The following RGS7 variants were observed in gnomAD, a reference collection of about 807,000 sequenced individuals.
The protein encoded by RGS7 is regulator of G-protein signaling 7.
A neutral mutation model predicts 81.1 loss-of-function variants in RGS7; 27 were observed. The ratio of observed to expected loss-of-function variants is 0.33; its 90% CI spans 0.25 to 0.46. RGS7 has a LOEUF of 0.46. Among genes scored for constraint, RGS7 ranks in the 20% least tolerant of loss-of-function variants. The pLI, the probability that RGS7 is intolerant of heterozygous loss-of-function variation, is 1.00. For synonymous variants in RGS7, 208 were observed against 207.7 expected, an observed-to-expected ratio of 1.00 and a Z score of -0.01; for missense variants, 396 against 607.4, an observed-to-expected ratio of 0.65 and a Z score of 3.66.
At chr1:241,198,786 G>A (rs2073271999) in intron 2 of RGS7, among the ~76,000 whole-genome samples, 1 of 152,076 alleles carries the variant, frequency 6.6e-6, no homozygotes, top group African/African-American at 2.4e-5. Context: ...CTTACGTTAA[G>A]TTCTTTCAGG....
chr1:241,129,695 GT>G (rs1284713611), intron 2 of RGS7, among the ~76,000 whole-genome samples: 1 of 152,122 alleles, frequency 6.6e-6, no homozygotes, highest in Non-Finnish European at 1.5e-5. Context: ...TACTTGGAGA[GT>G]TTATTAAACG....
At chr1:240,913,885 T>C (rs1299077078) in intron 6 of RGS7, among the ~76,000 whole-genome samples, 1 of 152,052 alleles carries the variant, frequency 6.6e-6, no homozygotes, top group East Asian at 1.9e-4. Context: ...ATTCTTCCTT[T>C]TGTTTTTTTT....
intron 2 of RGS7, among the ~76,000 whole-genome samples, chr1:241,174,758 CAGA>C (rs1323740336): frequency 6.6e-6 from 1 of 151,236 alleles, no homozygotes; most frequent in African/African-American, 2.5e-5. Context: ...CCTTTGTGAT[CAGA>C]AGGAGTATTT....
chr1:241,085,319 G>A (rs1023306813), intron 3 of RGS7, among the ~76,000 whole-genome samples: 1 of 152,164 alleles, frequency 6.6e-6, no homozygotes, highest in Non-Finnish European at 1.5e-5. Context: ...TGGATAGGCT[G>A]GGGGCAGTGG....
chr1:240,965,816 T>C (rs1270966724), intron 4 of RGS7, among the ~76,000 whole-genome samples: 1 of 152,196 alleles, frequency 6.6e-6, no homozygotes, highest in East Asian at 1.9e-4. Flanking sequence ...CCGTTTACAG[T>C]ACCACGTCAG....
At chr1:241,313,420 C>T (rs1410296470) in intron 2 of RGS7, among the ~76,000 whole-genome samples, 1 of 152,156 alleles carries the variant, frequency 6.6e-6, no homozygotes, top group African/African-American at 2.4e-5. Flanking sequence ...TGCCAATGCT[C>T]ATTGACCATT....
At chr1:241,111,878 T>C (rs1221188019) in intron 2 of RGS7, among the ~76,000 whole-genome samples, 1 of 152,176 alleles carries the variant, frequency 6.6e-6, no homozygotes, top group Non-Finnish European at 1.5e-5. Flanking sequence ...AATGTACCCA[T>C]TGTTGAAAAT....
intron 2 of RGS7, among the ~76,000 whole-genome samples, chr1:241,248,607 T>C (rs1444243401): frequency 6.6e-6 from 1 of 151,718 alleles, no homozygotes; most frequent in African/African-American, 2.4e-5. Flanking sequence ...TGAAGCAGTA[T>C]TTTTTTTAAA....
chr1:241,190,058 G>C (rs939842892), intron 2 of RGS7, among the ~76,000 whole-genome samples: 12 of 152,086 alleles, frequency 7.9e-5, no homozygotes, highest in South Asian at 4.2e-4. Flanking sequence ...AGCCGAGATG[G>C]CGCCACTGCA....
intron 2 of RGS7, among the ~76,000 whole-genome samples, chr1:241,171,300 GT>G (rs1247035548): frequency 6.6e-6 from 1 of 152,140 alleles, no homozygotes; most frequent in Non-Finnish European, 1.5e-5. Flanking sequence ...CATTTAAATA[GT>G]TGATAGTGGT....
At chr1:241,167,415 G>A (rs1015772091) in intron 2 of RGS7, among the ~76,000 whole-genome samples, 18 of 152,146 alleles carry the variant, frequency 1.2e-4, no homozygotes, top group Admixed American at 3.9e-4. Flanking sequence ...CTTGAGATCC[G>A]GTGGGGTCAT....
intron 2 of RGS7, among the ~76,000 whole-genome samples, chr1:241,128,742 T>A: frequency 1.4e-5 from 2 of 140,960 alleles, no homozygotes. Flanking sequence ...AGAAATTGAG[T>A]ATTTAAATGC....
chr1:240,981,539 TTGTC>T (rs1684920412), intron 4 of RGS7, among the ~76,000 whole-genome samples: 1 of 152,210 alleles, frequency 6.6e-6, no homozygotes, highest in Non-Finnish European at 1.5e-5. Flanking sequence ...CTGGGATTAT[TTGTC>T]TGGTCCTATA....
intron 2 of RGS7, among the ~76,000 whole-genome samples, chr1:241,198,009 G>T (rs1235701091): frequency 6.6e-6 from 1 of 151,858 alleles, no homozygotes; most frequent in Non-Finnish European, 1.5e-5. Flanking sequence ...TTGGAAATGT[G>T]AAGTATATTT....
chr1:241,318,568 C>T (rs1832798), intron 2 of RGS7, among the ~76,000 whole-genome samples: 17,783 of 151,896 alleles, frequency 0.12, 1,277 homozygotes, highest in South Asian at 0.19. Context: ...GCGATTCTCC[C>T]GCCTCAGCCT....
At chr1:240,907,941 A>G (rs1671097693) in intron 6 of RGS7, among the ~76,000 whole-genome samples, 1 of 152,124 alleles carries the variant, frequency 6.6e-6, no homozygotes, top group Non-Finnish European at 1.5e-5. Context: ...ATTATAAACA[A>G]TCTTATCCAT....
chr1:240,947,325 C>T (rs1286288741), intron 4 of RGS7, among the ~76,000 whole-genome samples: 1 of 152,118 alleles, frequency 6.6e-6, no homozygotes, highest in Non-Finnish European at 1.5e-5. Context: ...CTCCTAAATT[C>T]CTGTATGGTA....
chr1:241,070,750 A>T (rs1045867138), intron 3 of RGS7, among the ~76,000 whole-genome samples: 13 of 143,850 alleles, frequency 9.0e-5, no homozygotes, highest in Admixed American at 8.6e-4. Flanking sequence ...CTACATAAAA[A>T]TACAACAGCC....
chr1:241,265,411 G>T (rs1035848693), intron 2 of RGS7, among the ~76,000 whole-genome samples: 1 of 149,388 alleles, frequency 6.7e-6, no homozygotes, highest in African/African-American at 2.5e-5. Flanking sequence ...CCAAGTGAGT[G>T]CAAGGCAACA....
Sources: allele counts gnomAD v4.1 joint callset (sites outside exome capture counted in the v4.1 genomes callset), GRCh38; gene constraint gnomAD v4.1.1; transcripts MANE v1.5; gene names NCBI Gene and HGNC (gene_info 2026-07-23, HGNC 2026-07-21).